Variants in ZFHX3 observed in about 807,000 individuals in gnomAD.
ZFHX3 encodes the protein zinc finger homeobox 3.
In ZFHX3, 42 loss-of-function variants were observed where a neutral mutation model predicts 279.1. The ratio of observed to expected loss-of-function variants is 0.15; its 90% confidence interval spans 0.12 to 0.19. The LOEUF (loss-of-function observed/expected upper bound fraction) is 0.19. ZFHX3 is among the 10% of genes least tolerant of loss of function. ZFHX3 has a pLI of 1.00. For synonymous variants in ZFHX3, 2,293 were observed against 1,957.8 expected, an observed-to-expected ratio of 1.17 and a Z score of -4.52; for missense variants, 4,981 against 4,754.0, an observed-to-expected ratio of 1.05 and a Z score of -1.40.
intron 8 of ZFHX3, among the ~76,000 whole-genome samples, chr16:73,079,958 C>T (rs77176126): frequency 6.6e-6 from 1 of 152,050 alleles, no homozygotes; most frequent in Non-Finnish European, 1.5e-5. Flanking sequence ...AGTTTAATTC[C>T]CTGATGCAGA....
At chr16:73,441,177 A>C (rs1353494297) in intron 3 of ZFHX3, among the ~76,000 whole-genome samples, 2 of 152,142 alleles carry the variant, frequency 1.3e-5, no homozygotes, top group Non-Finnish European at 2.9e-5. Flanking sequence ...AGAGATAAGC[A>C]ATTTATTTTC....
intron 2 of ZFHX3, among the ~76,000 whole-genome samples, chr16:73,627,548 A>C (rs1444491325): frequency 6.6e-6 from 1 of 152,190 alleles, no homozygotes; most frequent in Non-Finnish European, 1.5e-5. Context: ...TGTTGAGAAA[A>C]ACCTGCAATG....
rs372587874 is a variant in ZFHX3, at chr16:73,069,874, T to C, written c.-532-10862A>G. On this transcript the variant is annotated intron_variant, in intron 8 of 17. Coordinates refer to the ZFHX3 transcript ENST00000641206. Reference sequence around the variant, plus strand: ...TGTTCGAAGAGTGATCTAAATGAGATATTTCATCATGGACGCAAAAGCCTT... The same window carrying C: ...TGTTCGAAGAGTGATCTAAATGAGACATTTCATCATGGACGCAAAAGCCTT... 1.2e-4 allele frequency among the ~76,000 whole-genome samples: 18 copies of C among 152,320 alleles called. No individual in the cohort carries two copies. The East Asian group carries it at 2.7e-3, about 23-fold the overall frequency.
At chr16:73,638,897 C>T (rs117657880) in intron 2 of ZFHX3, among the ~76,000 whole-genome samples, 25 of 152,232 alleles carry the variant, frequency 1.6e-4, no homozygotes, top group Admixed American at 7.8e-4. Flanking sequence ...GAAAGTAGGT[C>T]TTGGGGTATG....
At chr16:73,382,188 G>A (rs1172939372) in intron 3 of ZFHX3, among the ~76,000 whole-genome samples, 1 of 152,158 alleles carries the variant, frequency 6.6e-6, no homozygotes, top group Admixed American at 6.5e-5. Context: ...GAAAAATCCA[G>A]GTGCAATAAG....
At chr16:73,662,945 G>C (rs932671697) in intron 2 of ZFHX3, among the ~76,000 whole-genome samples, 4 of 152,168 alleles carry the variant, frequency 2.6e-5, no homozygotes, top group African/African-American at 7.2e-5. Context: ...TATTTATAAA[G>C]CAGTGAGAGA....
intron 5 of ZFHX3, among the ~76,000 whole-genome samples, chr16:73,186,599 T>C (rs1387594870): frequency 2.0e-5 from 3 of 151,592 alleles, no homozygotes; most frequent in East Asian, 3.9e-4. Context: ...TCCTATTGAG[T>C]GTTTTATGCA....
chr16:73,537,551 C>G (rs987819304), intron 2 of ZFHX3, among the ~76,000 whole-genome samples: 7 of 151,998 alleles, frequency 4.6e-5, no homozygotes, highest in Non-Finnish European at 8.8e-5. Context: ...CTTCTGACCT[C>G]GTGATTCACC....
intron 2 of ZFHX3, among the ~76,000 whole-genome samples, chr16:73,540,038 T>G (rs2019983546): frequency 6.6e-6 from 1 of 152,240 alleles, no homozygotes; most frequent in Non-Finnish European, 1.5e-5. Flanking sequence ...TCAGCAGTAC[T>G]TACGCTGCCA....
At chr16:73,275,957 T>C (rs78384839) in intron 4 of ZFHX3, among the ~76,000 whole-genome samples, 7,622 of 151,696 alleles carry the variant, frequency 0.05, 318 homozygotes, top group East Asian at 0.19. Flanking sequence ...CACACCTAAC[T>C]CGAAAGTTAG....
chr16:73,461,485 C>A (rs568878597), intron 2 of ZFHX3, among the ~76,000 whole-genome samples: 5 of 152,282 alleles, frequency 3.3e-5, no homozygotes, highest in Admixed American at 3.3e-4. Context: ...TGAAGATTTT[C>A]TCTTCTTTTT....
At chr16:73,880,917 C>T (rs12102481) in intron 1 of ZFHX3, among the ~76,000 whole-genome samples, 2,393 of 152,162 alleles carry the variant, frequency 0.016, 68 homozygotes, top group African/African-American at 0.055. Flanking sequence ...ATGATATAGG[C>T]GAGAAGAGTA....
chr16:73,202,972 A>G (rs181321226), intron 5 of ZFHX3, among the ~76,000 whole-genome samples: 47 of 100,520 alleles, frequency 4.7e-4, no homozygotes, highest in South Asian at 1.8e-3. Flanking sequence ...TTTCGTTCCT[A>G]TCTTCTACCC....
intron 1 of ZFHX3, among the ~76,000 whole-genome samples, chr16:72,983,028 A>T (rs932215238): frequency 6.6e-6 from 1 of 152,158 alleles, no homozygotes; most frequent in Non-Finnish European, 1.5e-5. Flanking sequence ...CAAAGTGCAC[A>T]TATCTATGTA....
chr16:73,499,331 G>C (rs145281027), intron 2 of ZFHX3: 133 of 152,316 alleles, frequency 8.7e-4, no homozygotes, highest in African/African-American at 3.0e-3. Context: ...CGCGTGATGG[G>C]GACGTGAGTT....
chr16:73,687,013 T>TATATAC (rs2053093086), intron 1 of ZFHX3, among the ~76,000 whole-genome samples: 1 of 5,096 alleles, frequency 2.0e-4, no homozygotes, highest in Non-Finnish European at 3.6e-4. Flanking sequence ...TGCAGCTAAA[T>TATATAC]ATATATATAT....
chr16:73,365,039 C>A (rs1313971414), intron 3 of ZFHX3, among the ~76,000 whole-genome samples: 2 of 152,130 alleles, frequency 1.3e-5, no homozygotes, highest in Non-Finnish European at 2.9e-5. Context: ...GGCGCCTCTC[C>A]CCCCACCCAG....
chr16:73,274,796 C>A (rs1051644732), intron 4 of ZFHX3, among the ~76,000 whole-genome samples: 1 of 152,148 alleles, frequency 6.6e-6, no homozygotes, highest in African/African-American at 2.4e-5. Flanking sequence ...TGTATTTATG[C>A]CACAGTAATT....
chr16:72,945,550 A>C (rs1371233375), intron 3 of ZFHX3, among the ~76,000 whole-genome samples: 1 of 152,142 alleles, frequency 6.6e-6, no homozygotes, highest in Non-Finnish European at 1.5e-5. Context: ...AATTCACCAA[A>C]ACATCTGGCC....
Sources: gnomAD v4.1 joint callset for allele counts (sites outside exome capture counted in the v4.1 genomes callset) on GRCh38, gnomAD v4.1.1 for gene constraint, MANE v1.5 for transcripts, NCBI Gene and HGNC (gene_info 2026-07-23, HGNC 2026-07-21) for gene names.